Variants in PPP2R5E observed in about 807,000 individuals in gnomAD.
PPP2R5E encodes the protein serine/threonine-protein phosphatase 2A 56 kDa regulatory subunit epsilon isoform.
Under a neutral mutation model 65.3 loss-of-function variants are expected in PPP2R5E, and 4 were observed. The observed-to-expected ratio is 0.06, with a 90% CI of 0.03 to 0.14. The LOEUF (loss-of-function observed/expected upper bound fraction) is 0.14, where lower values mean the gene tolerates loss of function less well. PPP2R5E is among the 10% of genes least tolerant of loss of function. The pLI is 1.00. For missense variants in PPP2R5E, 274 were observed against 556.1 expected (o/e 0.49, Z 5.10); for synonymous variants, 183 against 187.4 (o/e 0.98, Z 0.19).
intron 6 of PPP2R5E, 31 bp from the exon 7 acceptor site, chr14:63,395,316 G>A (rs773499366): frequency 3.4e-6 from 5 of 1,467,054 alleles, no homozygotes; most frequent in South Asian, 2.3e-5. Context: ...GGAGGAGAAA[G>A]GAGGAGAGGA....
intron 2 of PPP2R5E, among the ~76,000 whole-genome samples, chr14:63,495,844 C>T (rs1341927047): frequency 6.6e-6 from 1 of 151,796 alleles, no homozygotes; most frequent in African/African-American, 2.4e-5. Flanking sequence ...GCATGTACCA[C>T]CTTGCCCAGC....
rs1198755218 is a variant in PPP2R5E at position 63,372,966 on chromosome 14, G to A, written c.*3043C>T. ...ATAAAAAACAGTCAAATGTTAGGGA[G>A]AGCAAAATATAATAAAATTTAAAAG... On this transcript the variant is annotated 3_prime_UTR_variant, in exon 14 of 14. Transcript: ENST00000337537. 6.6e-6 allele frequency: 1 copy of A among 151,888 alleles called. No individual in the cohort carries two copies. The highest frequency in any genetic ancestry group is 1.5e-5 in the Non-Finnish European group (1 of 67,972). 9.4% of individuals were successfully genotyped at this position (151,888 alleles called of 1,614,324 possible).
At chr14:63,491,893 T>A (rs1486064384) in intron 2 of PPP2R5E, among the ~76,000 whole-genome samples, 1 of 152,150 alleles carries the variant, frequency 6.6e-6, no homozygotes, top group Non-Finnish European at 1.5e-5. Context: ...TTCACTTTTT[T>A]AAAATCTGGC....
intron 2 of PPP2R5E, among the ~76,000 whole-genome samples, chr14:63,506,539 C>T (rs777167234): frequency 5.3e-5 from 8 of 152,076 alleles, no homozygotes; most frequent in Non-Finnish European, 8.8e-5. Context: ...AAAGAAGATA[C>T]ACAAATGGCC....
In PPP2R5E at chr14:63,541,202, A is replaced by G. The variant is rs1289590619; in HGVS notation, c.-7-1510T>C. Among the ~76,000 whole-genome samples, 6 of 152,338 alleles carry G rather than the reference A, an allele frequency of 3.9e-5. No individual in the cohort carries two copies. The East Asian group carries it at 1.2e-3, about 29-fold the overall frequency. ...GATTACTTTAAACAAAACACATAAA[A>G]GGCATAATTAAAATATTTCAAATAA... On this transcript the variant is annotated intron_variant, in intron 1 of 13. Coordinates refer to ENST00000337537, the MANE Select transcript of PPP2R5E (RefSeq NM_006246.5).
intron 2 of PPP2R5E, 103 bp downstream of exon 2, chr14:63,539,426 C>T: frequency 8.1e-7 from 1 of 1,231,870 alleles, no homozygotes. Context: ...AGTATCCCAT[C>T]CCTTCAATTT....
rs570561252 is a variant in PPP2R5E at position 63,415,004 on chromosome 14, C to T, written c.549+136G>A. ...TTTAATAGGCAGTAATGGAAATTAA[C>T]TTATGTTTATATATATATATATATT... On this transcript the variant is annotated intron_variant, in intron 5 of 13. Coordinates refer to ENST00000337537, the MANE Select transcript of PPP2R5E (RefSeq NM_006246.5). 12 of 444,402 alleles carry T rather than the reference C, an allele frequency of 2.7e-5. 1 individual carries two copies. The highest frequency in any genetic ancestry group is 1.4e-4 in the South Asian group (3 of 21,574). 27.5% of individuals were successfully genotyped at this position (444,402 alleles called of 1,614,324 possible). A position where few individuals can be genotyped will look rare whatever the true frequency, so the allele number is the denominator to read the frequency against.
chr14:63,396,640 T>C lies in PPP2R5E; in HGVS notation c.626A>G (p.Lys209Arg). ...LKTVLHRIYG[K>R]FLGLRAFIRK... ...GATAAATGCTCTAAGACCAAGAAAC[T>C]TGCCATAAATTCTGTGTAAGACTGT... Residue 209 changes from lysine (K) to arginine (R), a missense_variant, in exon 6 of 14, where the codon AAG becomes AGG. Physicochemically the swap from Lys to Arg is conservative, Grantham distance 26 (BLOSUM62 2). Around this residue, in one of 6 missense-constraint regions of PPP2R5E, gnomAD observed 17 missense variants for 90.3 expected, o/e 0.19. Coordinates refer to ENST00000337537, the MANE Select transcript of PPP2R5E (RefSeq NM_006246.5). The C allele has an allele frequency of 6.2e-7, 1 of 1,613,574 alleles. No homozygotes were observed. Among genetic ancestry groups the C allele is most frequent in the Non-Finnish European group, 8.5e-7 (1 of 1,179,750 alleles).
intron 2 of PPP2R5E, among the ~76,000 whole-genome samples, chr14:63,526,438 G>A (rs575215880): frequency 4.2e-4 from 64 of 152,274 alleles, no homozygotes; most frequent in Admixed American, 2.4e-3. Context: ...TATATTCTCT[G>A]ATAGAAGTAA....
At chr14:63,459,269 G>C (rs956673739) in intron 2 of PPP2R5E, among the ~76,000 whole-genome samples, 3 of 152,156 alleles carry the variant, frequency 2.0e-5, no homozygotes, top group Admixed American at 2.0e-4. Flanking sequence ...CATGTAGTCT[G>C]TCCAAATCAT....
At chr14:63,520,859 C>CA (rs748146106) in intron 2 of PPP2R5E, among the ~76,000 whole-genome samples, 2,879 of 58,266 alleles carry the variant, frequency 0.049, 219 homozygotes, top group East Asian at 0.31. Flanking sequence ...ACTAAAAATA[C>CA]AAAAAAAAAA....
chr14:63,529,291 T>G lies in PPP2R5E; in HGVS notation c.157+10238A>C, dbSNP rs549920403. Among the ~76,000 whole-genome samples the G allele has an allele frequency of 5.3e-5, 8 of 151,354 alleles. No homozygotes were observed. In the East Asian group the frequency reaches 1.6e-3, roughly 30 times the overall value. ...ATTTTTTTTTCTTTTCTTTTTGAGA[T>G]AGATCCGCCCACCTCAGCCTCCCAA... On this transcript the variant is annotated intron_variant, in intron 2 of 13. Transcript: ENST00000337537.
At chr14:63,452,509 T>A (rs1275276767) in intron 3 of PPP2R5E, 2 of 152,184 alleles carry the variant, frequency 1.3e-5, no homozygotes, top group African/African-American at 4.8e-5. Flanking sequence ...CACTGACAAA[T>A]GTCCCCTGTA....
At chr14:63,405,299 G>A (rs549708486) in intron 5 of PPP2R5E, among the ~76,000 whole-genome samples, 1 of 152,070 alleles carries the variant, frequency 6.6e-6, no homozygotes. Flanking sequence ...TTGGAAAATA[G>A]TTCTTTGTAT....
rs532349578 is a variant in PPP2R5E at position 63,441,272 on chromosome 14, G to A, written c.354+12417C>T. On this transcript the variant is annotated intron_variant, in intron 3 of 13. Transcript: ENST00000337537. ...AAGTATATGGCCACAAGTCTAAATC[G>A]TGTAACTTTACAACAACCTACCTAA... is the stretch of plus-strand genomic sequence containing the variant. Among the ~76,000 whole-genome samples the A allele has an allele frequency of 3.3e-5, 5 of 152,246 alleles. No individual in the cohort carries two copies. In the East Asian group the frequency reaches 5.8e-4, roughly 18 times the overall value.
intron 13 of PPP2R5E, among the ~76,000 whole-genome samples, chr14:63,376,961 C>T (rs1018326851): frequency 6.6e-6 from 1 of 151,804 alleles, no homozygotes; most frequent in African/African-American, 2.4e-5. Context: ...AGTGAGACCC[C>T]GTCTCTACTA....
chr14:63,536,876 CAG>C (rs779594310), intron 2 of PPP2R5E, among the ~76,000 whole-genome samples: 1 of 152,072 alleles, frequency 6.6e-6, no homozygotes, highest in South Asian at 2.1e-4. Flanking sequence ...GTGGGGGAAA[CAG>C]GGAGTCAGTG....
intron 2 of PPP2R5E, among the ~76,000 whole-genome samples, chr14:63,522,938 G>A (rs1253562738): frequency 6.9e-6 from 1 of 145,404 alleles, no homozygotes. Flanking sequence ...CCGGCCAGCC[G>A]CCCCGTCCGG....
Position 63,443,479 on chromosome 14 carries a change from G to C in PPP2R5E, c.354+10210C>G, listed in dbSNP as rs745859629. Among the ~76,000 whole-genome samples, 5 of 152,078 alleles carry C rather than the reference G, an allele frequency of 3.3e-5. No homozygotes were observed. In the East Asian group the frequency reaches 9.6e-4, roughly 29 times the overall value. Reference sequence around the variant, plus strand: ...AATGAAGACAGTACACCCAAGGTGCGAGCAATTATCTACAGCCGTCATCTC... The same window carrying C: ...AATGAAGACAGTACACCCAAGGTGCCAGCAATTATCTACAGCCGTCATCTC... On this transcript the variant is annotated intron_variant, in intron 3 of 13. Transcript: ENST00000337537.
Sources: allele counts gnomAD v4.1 joint callset (sites outside exome capture counted in the v4.1 genomes callset), GRCh38; gene constraint gnomAD v4.1.1; regional missense constraint gnomAD v4.1.1; transcripts MANE v1.5; gene names NCBI Gene and HGNC (gene_info 2026-07-23, HGNC 2026-07-21).